DOK6: variants seen among roughly 807,000 people sequenced by gnomAD.
The protein encoded by DOK6 is downstream of tyrosine kinase 6.
In DOK6, 22 loss-of-function variants were observed where a neutral mutation model predicts 44.0. That is an observed-to-expected ratio of 0.50 (90% CI 0.36 to 0.71). DOK6 has a LOEUF of 0.71. Among genes scored for constraint, DOK6 ranks in the 30% least tolerant of loss-of-function variants. DOK6 has a pLI of 0.00. For synonymous variants in DOK6, 166 were observed against 145.5 expected, an observed-to-expected ratio of 1.14 and a Z score of -1.01; for missense variants, 340 against 416.4, an observed-to-expected ratio of 0.82 and a Z score of 1.60.
chr18:69,447,719 A>T (rs1262620976), intron 1 of DOK6, among the ~76,000 whole-genome samples: 1 of 152,158 alleles, frequency 6.6e-6, no homozygotes, highest in East Asian at 1.9e-4. Flanking sequence ...CCGTGATGAA[A>T]GCTGAGGTTA....
At chr18:69,750,764 G>C (rs1001476719) in intron 6 of DOK6, among the ~76,000 whole-genome samples, 8 of 152,160 alleles carry the variant, frequency 5.3e-5, no homozygotes, top group African/African-American at 1.7e-4. Context: ...GTGTCAAAGA[G>C]ATTCAATTCT....
chr18:69,495,498 A>T (rs1025662313), intron 1 of DOK6, among the ~76,000 whole-genome samples: 2 of 152,196 alleles, frequency 1.3e-5, no homozygotes, highest in Non-Finnish European at 2.9e-5. Flanking sequence ...TGGTTGTCCC[A>T]GTGGCTGCTC....
chr18:69,612,405 GCGA>G (rs1984167300), intron 3 of DOK6, among the ~76,000 whole-genome samples: 2 of 146,630 alleles, frequency 1.4e-5, no homozygotes, highest in South Asian at 4.4e-4. Context: ...GACTTTGTGT[GCGA>G]GGGCGCATGT....
At chr18:69,412,302 T>G (rs907404179) in intron 1 of DOK6, among the ~76,000 whole-genome samples, 1 of 152,258 alleles carries the variant, frequency 6.6e-6, no homozygotes, top group South Asian at 2.1e-4. Flanking sequence ...TGGGACCCTC[T>G]ACCTGTGATA....
intron 7 of DOK6, among the ~76,000 whole-genome samples, chr18:69,789,526 C>G (rs1980531767): frequency 6.6e-6 from 1 of 151,922 alleles, no homozygotes; most frequent in African/African-American, 2.4e-5. Context: ...CTAAAATTAT[C>G]TCTATATTTT....
intron 1 of DOK6, among the ~76,000 whole-genome samples, chr18:69,536,497 T>C (rs1337340042): frequency 6.6e-6 from 1 of 151,734 alleles, no homozygotes; most frequent in African/African-American, 2.4e-5. Context: ...TGAATATCCA[T>C]TTAGCCATGT....
chr18:69,405,724 G>A (rs1336158942), intron 1 of DOK6, among the ~76,000 whole-genome samples: 1 of 152,150 alleles, frequency 6.6e-6, no homozygotes, highest in Non-Finnish European at 1.5e-5. Context: ...TTTGTAAAGA[G>A]AGATTATATC....
At chr18:69,564,154 G>T (rs1055309828) in intron 1 of DOK6, among the ~76,000 whole-genome samples, 30 of 152,140 alleles carry the variant, frequency 2.0e-4, no homozygotes, top group African/African-American at 7.0e-4. Context: ...TTGTTAACCT[G>T]CCACTGCACT....
rs982995758 is a variant in DOK6 at position 69,841,662 on chromosome 18, A to G, written c.*279A>G. The G allele has an allele frequency of 2.9e-5, 10 of 348,328 alleles. No homozygotes were observed. The highest frequency in any genetic ancestry group is 4.7e-5 in the Non-Finnish European group (9 of 190,262). The allele number at this position is 348,328 out of a possible 1,614,324, so 21.6% of individuals were successfully genotyped here. A position where few individuals can be genotyped will look rare whatever the true frequency, so the allele number is the denominator to read the frequency against. ...AAATAAACAAAATTCTTTGGGTCTG[A>G]CAGTAACAGAAACCTCAGCACTGGG... On this transcript the variant is annotated 3_prime_UTR_variant, in exon 8 of 8. Transcript: ENST00000382713.
chr18:69,832,658 G>GCTT (rs1981935800), intron 7 of DOK6: 1 of 151,814 alleles, frequency 6.6e-6, no homozygotes, highest in Non-Finnish European at 1.5e-5. Flanking sequence ...CTTTTCTTTG[G>GCTT]TGGAAGACTT....
chr18:69,638,857 A>C (rs1984873511), intron 3 of DOK6, among the ~76,000 whole-genome samples: 1 of 152,232 alleles, frequency 6.6e-6, no homozygotes, highest in Non-Finnish European at 1.5e-5. Context: ...TAACCTCACA[A>C]GAGAAATTAT....
At chr18:69,815,823 G>C (rs1180482223) in intron 7 of DOK6, among the ~76,000 whole-genome samples, 1 of 152,018 alleles carries the variant, frequency 6.6e-6, no homozygotes, top group African/African-American at 2.4e-5. Flanking sequence ...ACATATATGT[G>C]TCATTTGAGG....
intron 7 of DOK6, among the ~76,000 whole-genome samples, chr18:69,779,313 C>A (rs1219807401): frequency 1.3e-5 from 2 of 151,924 alleles, no homozygotes; most frequent in Non-Finnish European, 2.9e-5. Context: ...CTTAGATGTC[C>A]GGATAACAGT....
intron 1 of DOK6, among the ~76,000 whole-genome samples, chr18:69,506,289 T>C (rs1981184044): frequency 1.3e-5 from 2 of 152,178 alleles, no homozygotes; most frequent in South Asian, 4.1e-4. Context: ...TTTGCACTTT[T>C]AATGTAAAAT....
intron 1 of DOK6, among the ~76,000 whole-genome samples, chr18:69,470,418 C>G (rs370528601): frequency 6.6e-6 from 1 of 152,196 alleles, no homozygotes; most frequent in South Asian, 2.1e-4. Flanking sequence ...GAAACTGTCT[C>G]CTTTTCTGGC....
chr18:69,431,037 C>T (rs983000365), intron 1 of DOK6, among the ~76,000 whole-genome samples: 3 of 152,182 alleles, frequency 2.0e-5, no homozygotes, highest in African/African-American at 7.2e-5. Flanking sequence ...CCACCATTGA[C>T]AGCCTCCACT....
At chr18:69,740,778 G>T (rs915632786) in intron 6 of DOK6, among the ~76,000 whole-genome samples, 6 of 152,334 alleles carry the variant, frequency 3.9e-5, no homozygotes, top group African/African-American at 1.4e-4. Context: ...ATCAGACCAA[G>T]CACATAGAAG....
At chr18:69,616,396 GCCCTGTGCT>G (rs1425326566) in intron 3 of DOK6, among the ~76,000 whole-genome samples, 1 of 151,792 alleles carries the variant, frequency 6.6e-6, no homozygotes. Context: ...GCCCTAGCTG[GCCCTGTGCT>G]CCTTCTCTAA....
chr18:69,576,329 G>C (rs1983238145), intron 2 of DOK6, among the ~76,000 whole-genome samples: 1 of 151,384 alleles, frequency 6.6e-6, no homozygotes, highest in African/African-American at 2.4e-5. Flanking sequence ...TTGTAACTAA[G>C]CAGTTACTTT....
Sources: gnomAD v4.1 joint callset for allele counts (sites outside exome capture counted in the v4.1 genomes callset) on GRCh38, gnomAD v4.1.1 for gene constraint, MANE v1.5 for transcripts, NCBI Gene and HGNC (gene_info 2026-07-23, HGNC 2026-07-21) for gene names.